Variants in ZZEF1 observed in about 807,000 individuals in gnomAD.
The protein encoded by ZZEF1 is zinc finger ZZ-type and EF-hand domain-containing protein 1.
In ZZEF1, 157 loss-of-function variants were observed where a neutral mutation model predicts 342.8. The ratio of observed to expected loss-of-function variants is 0.46; its 90% CI spans 0.40 to 0.52. ZZEF1 has a LOEUF of 0.52. ZZEF1 is among the 20% of genes least tolerant of loss of function. The pLI is 0.00. For synonymous variants in ZZEF1, 1,505 were observed against 1,429.1 expected (o/e 1.05, Z -1.20); for missense variants, 3,480 against 3,725.6 (o/e 0.93, Z 1.72).
Position 4,062,745 on chromosome 17 carries a change from G to A in ZZEF1, c.4883+8C>T, listed in dbSNP as rs199624055. The A allele has an allele frequency of 2.6e-4, 418 of 1,593,022 alleles. 2 individuals carry two copies. The highest frequency in any genetic ancestry group is 4.9e-4 in the Admixed American group (28 of 56,660). On this transcript the variant is annotated splice_region_variant and intron_variant, in intron 30 of 54. Transcript: ENST00000381638. The stretch of plus-strand genomic sequence containing the variant: ...TGTTTTCCTTCTGGACCTGTCCTTT[G>A]TACTTACTTGGTAAAATCTTTCTGA...
chr17:4,045,734 G>A (rs564157817), intron 37 of ZZEF1, among the ~76,000 whole-genome samples: 2 of 152,044 alleles, frequency 1.3e-5, no homozygotes, highest in South Asian at 2.1e-4. Flanking sequence ...AAACAAAACC[G>A]GATGCTACTC....
chr17:4,091,509 C>T (rs1212388199), intron 11 of ZZEF1, among the ~76,000 whole-genome samples: 18 of 152,200 alleles, frequency 1.2e-4, no homozygotes, highest in Non-Finnish European at 4.4e-5. Context: ...GTGCTGGGCA[C>T]GATGGCTCAC....
At chr17:4,119,449 G>A (rs1328659884) in intron 2 of ZZEF1, among the ~76,000 whole-genome samples, 1 of 152,162 alleles carries the variant, frequency 6.6e-6, no homozygotes, top group Non-Finnish European at 1.5e-5. Flanking sequence ...CTTTCCCACC[G>A]GAACAGCTCT....
intron 19 of ZZEF1, 124 bp from the exon 20 acceptor site, chr17:4,077,113 A>G: frequency 1.1e-6 from 1 of 893,478 alleles, no homozygotes; most frequent in Non-Finnish European, 1.5e-6. Flanking sequence ...CGAAGACCAC[A>G]AGGCCAGCAA....
chr17:4,039,781 C>T (rs1441832236), intron 39 of ZZEF1, among the ~76,000 whole-genome samples: 2 of 150,956 alleles, frequency 1.3e-5, no homozygotes, highest in African/African-American at 4.9e-5. Context: ...GTAGCTGGGA[C>T]TACAGGCGCC....
Position 4,050,790 on chromosome 17 carries a change from G to T in ZZEF1, c.5854C>A (p.Gln1952Lys). ...LVGDCLMKAH[Q>K]GKGLKALALL... ...TGCATTGGGAAGTCACCTTTTCCCT[G>T]ATGAGCCTTCATCAGACAGTCCCCG... The change falls in exon 36 of 55, where the codon CAG becomes AAG. Residue 1952 changes from glutamine (Q) to lysine (K), a missense_variant. This residue lies in a region of ZZEF1 where 1,269 missense variants were observed against 1,342.4 expected (regional missense o/e 0.95). Coordinates refer to ENST00000381638, the MANE Select transcript of ZZEF1 (RefSeq NM_015113.4). 6.2e-7 allele frequency: 1 copy of T among 1,613,842 alleles called. No individual in the cohort carries two copies. Among genetic ancestry groups the T allele is most frequent in the Middle Eastern group, 1.6e-4 (1 of 6,062 alleles).
chr17:4,054,691 C>A (rs781849), intron 33 of ZZEF1, among the ~76,000 whole-genome samples: 1 of 152,154 alleles, frequency 6.6e-6, no homozygotes, highest in African/African-American at 2.4e-5. Flanking sequence ...CACAAAGGGC[C>A]TTGCATATCA....
intron 54 of ZZEF1, among the ~76,000 whole-genome samples, chr17:4,007,807 A>G (rs1290817049): frequency 6.6e-6 from 1 of 152,076 alleles, no homozygotes; most frequent in Non-Finnish European, 1.5e-5. Context: ...ACAGGAAAGA[A>G]GACCCTTTTC....
chr17:4,119,646 T>C (rs2058452377), intron 2 of ZZEF1, among the ~76,000 whole-genome samples: 1 of 152,202 alleles, frequency 6.6e-6, no homozygotes, highest in Admixed American at 6.5e-5. Context: ...TGTGTCTGAT[T>C]TTCCACAATT....
In ZZEF1 at chr17:4,005,777, A is replaced by C. The variant is rs192802119; in HGVS notation, c.*1113T>G. On this transcript the variant is annotated 3_prime_UTR_variant, in exon 55 of 55. Coordinates refer to ENST00000381638, the MANE Select transcript of ZZEF1 (RefSeq NM_015113.4). ...GACACTGCCCCTAAAGGCATGCTCC[A>C]ACCCCACGGGTCCCACTAAGGCCGG... is the stretch of plus-strand genomic sequence containing the variant. 2.0e-5 allele frequency: 3 copies of C among 152,388 alleles called. No individual in the cohort carries two copies. Among genetic ancestry groups the C allele is most frequent in the Admixed American group, 2.0e-4 (3 of 15,298 alleles). The allele number at this position is 152,388 out of a possible 1,614,324, so 9.4% of individuals were successfully genotyped here.
At position 4,017,268 on chromosome 17, in the gene ZZEF1, C is replaced by A. The variant is rs1296553159; in HGVS notation, c.8001+103G>T. On this transcript the variant is annotated intron_variant, in intron 48 of 54. Transcript: ENST00000381638. The surrounding 1 kb of genome is among the most constrained non-coding windows in gnomAD (Gnocchi z 5.1). ...CATTCACACCTGTCAGGGAGCTGCACAGCCACACAGGTAGCCTCGCTCCAG... is the reference window on the plus strand; with the variant it reads ...CATTCACACCTGTCAGGGAGCTGCAAAGCCACACAGGTAGCCTCGCTCCAG... 2.0e-6 allele frequency: 3 copies of A among 1,479,012 alleles called. No individual in the cohort carries two copies. Among genetic ancestry groups the A allele is most frequent in the Non-Finnish European group, 2.7e-6 (3 of 1,106,836 alleles). The allele number at this position is 1,479,012 out of a possible 1,614,324, so 91.6% of individuals were successfully genotyped here.
At chr17:4,045,260 A>G (rs1354923334) in intron 37 of ZZEF1, among the ~76,000 whole-genome samples, 1 of 152,188 alleles carries the variant, frequency 6.6e-6, no homozygotes, top group Non-Finnish European at 1.5e-5. Context: ...AAAACCTCTC[A>G]TACATTCTAT....
At chr17:4,022,609 T>C (rs2056298060) in intron 44 of ZZEF1, 100 bp downstream of exon 44, 2 of 1,561,026 alleles carry the variant, frequency 1.3e-6, no homozygotes, top group African/African-American at 1.4e-5. Flanking sequence ...TAAAGGAGTG[T>C]GCACAGGGCA....
intron 12 of ZZEF1, 149 bp downstream of exon 12, chr17:4,090,570 A>T: frequency 1.5e-6 from 1 of 647,460 alleles, no homozygotes; most frequent in South Asian, 1.8e-5. Flanking sequence ...ACACTGTCTT[A>T]CACATCTGTC....
chr17:4,114,422 G>T lies in ZZEF1; in HGVS notation c.743C>A (p.Ser248Ter). 1.2e-6 allele frequency: 2 copies of T among 1,607,906 alleles called. No individual in the cohort carries two copies. Among genetic ancestry groups the T allele is most frequent in the South Asian group, 2.2e-5 (2 of 89,700 alleles). ...TATATAAGCATAGCACTTTGCTACT[G>T]ACTTGAGTTTATCCATCTCTGGACT... is the stretch of plus-strand genomic sequence containing the variant. ...TRSPEMDKLK[S>*]VAKCYAYIET... is the part of the protein sequence containing the mutation. Residue 248 changes from serine to a stop codon, truncating the protein, a stop_gained, in exon 4 of 55, where the codon TCA becomes TAA. Coordinates refer to ENST00000381638, the MANE Select transcript of ZZEF1 (RefSeq NM_015113.4). LOFTEE classifies it high-confidence loss of function.
Position 4,014,264 on chromosome 17 carries a change from A to G in ZZEF1, c.8315-76T>C, listed in dbSNP as rs1464489645. On this transcript the variant is annotated intron_variant, in intron 50 of 54. Coordinates refer to ENST00000381638, the MANE Select transcript of ZZEF1 (RefSeq NM_015113.4). The surrounding 1 kb of genome is among the most constrained non-coding windows in gnomAD (Gnocchi z 4.4). ...GGCAGCAGTGGTGTTGGGTTTCAAC[A>G]TTCTCCAGTAAGTTCCCTTCTCAAT... 10 of 1,610,816 alleles carry G rather than the reference A, an allele frequency of 6.2e-6. No homozygotes were observed. Among genetic ancestry groups the G allele is most frequent in the African/African-American group, 1.3e-5 (1 of 74,856 alleles).
chr17:4,024,198 T>TTC (rs1567770264), intron 43 of ZZEF1, among the ~76,000 whole-genome samples: 1 of 141,428 alleles, frequency 7.1e-6, no homozygotes, highest in Non-Finnish European at 1.5e-5. Flanking sequence ...TTTTTTTTTT[T>TTC]TTTTTTTTTT....
chr17:4,047,439 G>A (rs1473908978), intron 37 of ZZEF1, among the ~76,000 whole-genome samples: 2 of 152,018 alleles, frequency 1.3e-5, no homozygotes. Flanking sequence ...GAGTCCAGGA[G>A]TTCGAGACCA....
At chr17:4,032,520 G>A (rs867512147) in intron 41 of ZZEF1, among the ~76,000 whole-genome samples, 7 of 152,170 alleles carry the variant, frequency 4.6e-5, no homozygotes, top group African/African-American at 1.4e-4. Flanking sequence ...ATAAGGTCAA[G>A]GTGAATGCCA....
Sources: allele counts gnomAD v4.1 joint callset (sites outside exome capture counted in the v4.1 genomes callset), GRCh38; gene constraint gnomAD v4.1.1; regional missense constraint gnomAD v4.1.1; non-coding constraint Gnocchi (gnomAD v3.1); transcripts MANE v1.5; gene names NCBI Gene and HGNC (gene_info 2026-07-23, HGNC 2026-07-21).